CSMD3: variants seen among roughly 807,000 people sequenced by gnomAD.
CSMD3 encodes CUB and sushi domain-containing protein 3.
A neutral mutation model predicts 435.2 loss-of-function variants in CSMD3; 177 were observed. That is an observed-to-expected ratio of 0.41 (90% CI 0.36 to 0.46). The LOEUF (loss-of-function observed/expected upper bound fraction) is 0.46, where lower values mean the gene tolerates loss of function less well. Among genes scored for constraint, CSMD3 ranks in the 20% least tolerant of loss-of-function variants. The pLI, the probability that CSMD3 is intolerant of heterozygous loss-of-function variation, is 0.34. For missense variants in CSMD3, 4,265 were observed against 4,504.6 expected, an observed-to-expected ratio of 0.95 and a Z score of 1.52; for synonymous variants, 1,656 against 1,520.5, an observed-to-expected ratio of 1.09 and a Z score of -2.07.
chr8:112,530,543 G>A (rs1406212561), intron 27 of CSMD3, among the ~76,000 whole-genome samples: 1 of 152,026 alleles, frequency 6.6e-6, no homozygotes, highest in Non-Finnish European at 1.5e-5. Context: ...CACCATACAC[G>A]GTCAAACTGT....
chr8:113,349,707 T>C (rs1047527129), intron 1 of CSMD3, among the ~76,000 whole-genome samples: 3 of 152,126 alleles, frequency 2.0e-5, no homozygotes, highest in Admixed American at 6.6e-5. Flanking sequence ...CTACGTGTTA[T>C]CATGTGCCCT....
At chr8:113,038,688 T>TGAAAG (rs1045756220) in intron 5 of CSMD3, among the ~76,000 whole-genome samples, 5 of 151,946 alleles carry the variant, frequency 3.3e-5, no homozygotes, top group Admixed American at 6.5e-5. Flanking sequence ...TTCACTGTCA[T>TGAAAG]GAAAGGAAAG....
intron 6 of CSMD3, among the ~76,000 whole-genome samples, chr8:113,001,191 T>C (rs377130894): frequency 5.9e-5 from 9 of 152,068 alleles, no homozygotes; most frequent in African/African-American, 1.9e-4. Context: ...CACTATAGTA[T>C]ATTTTCCAGA....
intron 1 of CSMD3, among the ~76,000 whole-genome samples, chr8:113,331,980 G>T (rs1292431184): frequency 6.6e-6 from 1 of 151,606 alleles, no homozygotes; most frequent in African/African-American, 2.4e-5. Context: ...AGCAAAGAAA[G>T]AAATACAAAT....
chr8:112,311,288 T>C, intron 49 of CSMD3, 122 bp from the exon 50 acceptor site: 1 of 764,618 alleles, frequency 1.3e-6, no homozygotes, highest in Non-Finnish European at 2.2e-6. Context: ...ATGTAAATTT[T>C]ACTTCATATG....
At chr8:113,223,714 T>C (rs988706340) in intron 3 of CSMD3, among the ~76,000 whole-genome samples, 4 of 149,472 alleles carry the variant, frequency 2.7e-5, no homozygotes, top group African/African-American at 9.8e-5. Flanking sequence ...TATCAGGCAC[T>C]TTTTAAGGCA....
At chr8:112,320,840 C>T (rs1008243307) in intron 45 of CSMD3, among the ~76,000 whole-genome samples, 1 of 152,128 alleles carries the variant, frequency 6.6e-6, no homozygotes, top group African/African-American at 2.4e-5. Flanking sequence ...GATAGCCTGG[C>T]TCCAGAGCCT....
chr8:112,661,736 AT>A (rs1370741379), intron 17 of CSMD3, among the ~76,000 whole-genome samples: 62 of 152,126 alleles, frequency 4.1e-4, no homozygotes, highest in Admixed American at 4.1e-3. Flanking sequence ...AGAAAATGTT[AT>A]TTTAAAATAA....
At chr8:112,987,221 T>G in intron 6 of CSMD3, among the ~76,000 whole-genome samples, 1 of 152,110 alleles carries the variant, frequency 6.6e-6, no homozygotes, top group East Asian at 1.9e-4. Context: ...TTTGCTGTAT[T>G]CTAATTACAG....
At chr8:112,318,560 T>G (rs1224041302) in intron 47 of CSMD3, among the ~76,000 whole-genome samples, 1 of 151,974 alleles carries the variant, frequency 6.6e-6, no homozygotes, top group Non-Finnish European at 1.5e-5. Context: ...TCCACCTCCA[T>G]TCCCATCCCT....
chr8:112,381,277 T>G (rs1829440752), intron 37 of CSMD3, among the ~76,000 whole-genome samples: 1 of 152,190 alleles, frequency 6.6e-6, no homozygotes, highest in African/African-American at 2.4e-5. Context: ...ACTCTTGTCT[T>G]TCAGCAAATG....
intron 4 of CSMD3, among the ~76,000 whole-genome samples, chr8:113,123,128 C>T (rs543384949): frequency 2.6e-5 from 4 of 152,100 alleles, no homozygotes; most frequent in Admixed American, 2.0e-4. Context: ...AATATAATTC[C>T]AAGGTATGGT....
At chr8:112,502,597 C>T (rs756661623) in intron 30 of CSMD3, among the ~76,000 whole-genome samples, 11 of 152,172 alleles carry the variant, frequency 7.2e-5, no homozygotes, top group Non-Finnish European at 2.9e-5. Context: ...TGACCTCTTA[C>T]GATAGCCCTG....
chr8:113,251,466 T>C (rs190868227), intron 3 of CSMD3, among the ~76,000 whole-genome samples: 2 of 152,104 alleles, frequency 1.3e-5, no homozygotes, highest in Admixed American at 6.6e-5. Flanking sequence ...AAAGAAAGCA[T>C]GGGGGATATA....
intron 41 of CSMD3, 146 bp downstream of exon 41, chr8:112,345,951 A>T: frequency 1.5e-6 from 1 of 660,434 alleles, no homozygotes; most frequent in Non-Finnish European, 2.7e-6. Flanking sequence ...TTTAAATTTC[A>T]CTCTTCAATT....
intron 3 of CSMD3, among the ~76,000 whole-genome samples, chr8:113,248,771 T>A (rs952487855): frequency 2.0e-5 from 3 of 151,694 alleles, no homozygotes; most frequent in East Asian, 3.9e-4. Flanking sequence ...ATGATATACA[T>A]GTGGAGGAAA....
chr8:113,276,131 G>A (rs1186070007), intron 3 of CSMD3, among the ~76,000 whole-genome samples: 1 of 152,070 alleles, frequency 6.6e-6, no homozygotes, highest in Non-Finnish European at 1.5e-5. Context: ...ACTTAAGCAT[G>A]AAATTGTAGG....
chr8:112,460,876 G>A (rs1409462511), intron 32 of CSMD3, among the ~76,000 whole-genome samples: 1 of 152,076 alleles, frequency 6.6e-6, no homozygotes, highest in Non-Finnish European at 1.5e-5. Flanking sequence ...AGTTATAAGA[G>A]AATACTATTC....
intron 32 of CSMD3, among the ~76,000 whole-genome samples, chr8:112,454,771 G>A (rs767800335): frequency 2.1e-4 from 32 of 152,118 alleles, no homozygotes; most frequent in Admixed American, 7.2e-4. Context: ...CAGGAGGATT[G>A]CTTGAGCCTA....
Sources: allele counts gnomAD v4.1 joint callset (sites outside exome capture counted in the v4.1 genomes callset), GRCh38; gene constraint gnomAD v4.1.1; transcripts MANE v1.5; gene names NCBI Gene and HGNC (gene_info 2026-07-23, HGNC 2026-07-21).